Variants in CCSER1 observed in about 807,000 individuals in gnomAD.
The protein encoded by CCSER1 is coiled-coil serine rich protein 1.
A neutral mutation model predicts 82.0 loss-of-function variants in CCSER1; 41 were observed. The ratio of observed to expected loss-of-function variants is 0.50; its 90% CI spans 0.39 to 0.65. The LOEUF (loss-of-function observed/expected upper bound fraction) is 0.65, where lower values mean the gene tolerates loss of function less well. Among genes scored for constraint, CCSER1 ranks in the 30% least tolerant of loss-of-function variants. The pLI is 0.00. For missense variants in CCSER1, 1,119 were observed against 1,064.2 expected (o/e 1.05, Z -0.72); for synonymous variants, 414 against 383.9 (o/e 1.08, Z -0.92).
intron 6 of CCSER1, among the ~76,000 whole-genome samples, chr4:90,716,366 A>G (rs1741640332): frequency 6.6e-6 from 1 of 152,008 alleles, no homozygotes; most frequent in Non-Finnish European, 1.5e-5. Flanking sequence ...GATGTTCCCA[A>G]TTCAAAAATA....
chr4:91,116,287 G>A (rs991862716), intron 10 of CCSER1, among the ~76,000 whole-genome samples: 1 of 152,146 alleles, frequency 6.6e-6, no homozygotes, highest in East Asian at 1.9e-4. Flanking sequence ...CATGGATGAA[G>A]CTGGAAATCC....
chr4:91,430,543 C>G (rs1482699347), intron 10 of CCSER1, among the ~76,000 whole-genome samples: 3 of 152,178 alleles, frequency 2.0e-5, no homozygotes, highest in African/African-American at 7.2e-5. Context: ...ATAAAGGTAA[C>G]AAGCACCCAA....
At chr4:90,882,755 GA>G (rs200424632) in intron 8 of CCSER1, among the ~76,000 whole-genome samples, 4 of 150,860 alleles carry the variant, frequency 2.7e-5, no homozygotes, top group Admixed American at 6.6e-5. Context: ...CTTTAACACT[GA>G]AAAAAAACAA....
rs540999510 is a variant in CCSER1, at chr4:91,603,616, T to C, written c.*4559T>C. ...TGTAGCCTCATTAACTTCTCCAATTTAATACGACATACATACTTCTTCCAC... is the reference window on the plus strand; with the variant it reads ...TGTAGCCTCATTAACTTCTCCAATTCAATACGACATACATACTTCTTCCAC... On this transcript the variant is annotated 3_prime_UTR_variant, in exon 11 of 11. Coordinates refer to ENST00000509176, the MANE Select transcript of CCSER1 (RefSeq NM_001145065.2). 6.6e-6 allele frequency: 1 copy of C among 152,282 alleles called. No individual in the cohort carries two copies. The highest frequency in any genetic ancestry group is 2.1e-4 in the South Asian group (1 of 4,830). 9.4% of individuals were successfully genotyped at this position (152,282 alleles called of 1,614,324 possible).
rs769432517 is a variant in CCSER1, at chr4:90,425,307, G to GGAGA, written c.1603+25194_1603+25197dup. Among the ~76,000 whole-genome samples the GGAGA allele has an allele frequency of 8.0e-5, 12 of 150,218 alleles. No individual in the cohort carries two copies. In the South Asian group the frequency reaches 1.5e-3, roughly 18 times the overall value. ...AGCACAGCAGTTGAAAATGCATGAAGGAGAGAGAGAGAGAGAGAGGAAGAG... is the reference window on the plus strand; with the variant it reads ...AGCACAGCAGTTGAAAATGCATGAAGGAGAGAGAGAGAGAGAGAGAGAGGAAGAG... On this transcript the variant is annotated intron_variant, in intron 4 of 10. Transcript: ENST00000509176.
intron 5 of CCSER1, among the ~76,000 whole-genome samples, chr4:90,562,559 A>G (rs1389192472): frequency 1.3e-5 from 2 of 152,014 alleles, no homozygotes; most frequent in Non-Finnish European, 2.9e-5. Flanking sequence ...TTTATTTGTG[A>G]CAGAGTCTCA....
chr4:90,719,561 C>T (rs1230247527), intron 6 of CCSER1, among the ~76,000 whole-genome samples: 1 of 152,120 alleles, frequency 6.6e-6, no homozygotes, highest in Admixed American at 6.6e-5. Context: ...GTTCGCCATG[C>T]TTTCTCAGTG....
intron 5 of CCSER1, among the ~76,000 whole-genome samples, chr4:90,586,347 A>C (rs1356389522): frequency 6.6e-6 from 1 of 152,200 alleles, no homozygotes; most frequent in African/African-American, 2.4e-5. Context: ...GATTTAGAAG[A>C]TAAGTGTTGC....
At chr4:90,355,447 T>C (rs1458182674) in intron 3 of CCSER1, among the ~76,000 whole-genome samples, 1 of 152,028 alleles carries the variant, frequency 6.6e-6, no homozygotes, top group Non-Finnish European at 1.5e-5. Context: ...TATTTACTTT[T>C]TGTAATCCTA....
chr4:91,049,991 T>C (rs553072280), intron 9 of CCSER1, among the ~76,000 whole-genome samples: 3 of 152,248 alleles, frequency 2.0e-5, no homozygotes, highest in African/African-American at 7.2e-5. Flanking sequence ...TTCAATATTT[T>C]CCTTCCACTG....
chr4:91,494,870 ATTAATT>A (rs1353957330), intron 10 of CCSER1, among the ~76,000 whole-genome samples: 1 of 151,704 alleles, frequency 6.6e-6, no homozygotes, highest in Non-Finnish European at 1.5e-5. Flanking sequence ...TTAAAATGTC[ATTAATT>A]TTATTTTATG....
At chr4:90,688,908 T>C (rs139343148) in intron 6 of CCSER1, among the ~76,000 whole-genome samples, 142 of 152,262 alleles carry the variant, frequency 9.3e-4, no homozygotes, top group African/African-American at 3.2e-3. Context: ...AATATTTTCA[T>C]ACTGTCATGC....
At chr4:91,329,038 A>G (rs1397459014) in intron 10 of CCSER1, among the ~76,000 whole-genome samples, 1 of 152,064 alleles carries the variant, frequency 6.6e-6, no homozygotes, top group Non-Finnish European at 1.5e-5. Context: ...CCATGTGGAG[A>G]TGTCAGTCAA....
In CCSER1 at chr4:90,195,750, A is replaced by T. The variant is rs79700383; in HGVS notation, c.-42+67919A>T. On this transcript the variant is annotated intron_variant, in intron 1 of 10. Coordinates refer to ENST00000509176, the MANE Select transcript of CCSER1 (RefSeq NM_001145065.2). ...CTGTTAAAAATTAATTATCATGTCA[A>T]CAAAGAGATAATTCTCTCTTCCCAG... Among the ~76,000 whole-genome samples, 863 of 152,200 alleles carry T rather than the reference A, an allele frequency of 5.7e-3. 28 individuals are homozygous for T. The highest frequency in any genetic ancestry group is 0.043 in the Admixed American group (659 of 15,246).
intron 9 of CCSER1, among the ~76,000 whole-genome samples, chr4:91,072,769 C>G (rs1721567740): frequency 6.6e-6 from 1 of 151,838 alleles, no homozygotes; most frequent in African/African-American, 2.4e-5. Context: ...TTTTCTATGG[C>G]AAAATGGGGA....
At chr4:90,711,690 A>T (rs370415499) in intron 6 of CCSER1, among the ~76,000 whole-genome samples, 1 of 150,518 alleles carries the variant, frequency 6.6e-6, no homozygotes, top group African/African-American at 2.4e-5. Context: ...CCACTTGATC[A>T]TGGTGGATAA....
At chr4:90,336,859 C>T (rs1740503059) in intron 3 of CCSER1, among the ~76,000 whole-genome samples, 1 of 152,186 alleles carries the variant, frequency 6.6e-6, no homozygotes, top group Non-Finnish European at 1.5e-5. Context: ...GCAAATCCTT[C>T]TGCATTCGTC....
intron 5 of CCSER1, among the ~76,000 whole-genome samples, chr4:90,556,854 GTATA>G (rs56675984): frequency 2.1e-5 from 3 of 146,056 alleles, no homozygotes; most frequent in Admixed American, 6.8e-5. Flanking sequence ...ATCTATATGT[GTATA>G]TATATATATA....
chr4:90,719,992 T>G (rs1286817849), intron 6 of CCSER1, among the ~76,000 whole-genome samples: 2 of 152,286 alleles, frequency 1.3e-5, no homozygotes, highest in Non-Finnish European at 2.9e-5. Flanking sequence ...CTGAAAAAAA[T>G]GGGTCTCTTC....
Sources: gnomAD v4.1 joint callset for allele counts (sites outside exome capture counted in the v4.1 genomes callset) on GRCh38, gnomAD v4.1.1 for gene constraint, MANE v1.5 for transcripts, NCBI Gene and HGNC (gene_info 2026-07-23, HGNC 2026-07-21) for gene names.